The following IQSEC1 variants were observed in gnomAD, a reference collection of about 807,000 sequenced individuals.
IQSEC1 encodes the protein IQ motif and Sec7 domain ArfGEF 1, also known as IQ motif and SEC7 domain-containing protein 1.
A neutral mutation model predicts 91.0 loss-of-function variants in IQSEC1; 31 were observed. That is an observed-to-expected ratio of 0.34 (90% CI 0.26 to 0.46). The LOEUF is 0.46. Among genes scored for constraint, IQSEC1 ranks in the 20% least tolerant of loss-of-function variants. IQSEC1 has a pLI of 1.00. For missense variants in IQSEC1, 1,388 were observed against 1,575.6 expected (o/e 0.88, Z 2.02); for synonymous variants, 699 against 662.6 (o/e 1.05, Z -0.84).
chr3:12,904,035 G>A (rs1227228208), intron 12 of IQSEC1, among the ~76,000 whole-genome samples: 2 of 152,222 alleles, frequency 1.3e-5, no homozygotes, highest in African/African-American at 2.4e-5. Context: ...CTGGAAGAAG[G>A]AAGCAACTGC....
At position 13,236,009 on chromosome 3, in the gene IQSEC1, C is replaced by T. The variant is rs752604087; in HGVS notation, c.272+46702G>A. Among the ~76,000 whole-genome samples, 3 of 152,288 alleles carry T rather than the reference C, an allele frequency of 2.0e-5. No homozygotes were observed. In the South Asian group the frequency reaches 6.2e-4, roughly 32 times the overall value. On this transcript the variant is annotated intron_variant, in intron 1 of 15. Coordinates refer to the IQSEC1 transcript ENST00000648114. ...GAACGCAGCTTCCTTAAGAGTTTGT[C>T]TCCTGAAAATGAAGTGAATGGATCT... is the stretch of plus-strand genomic sequence containing the variant.
At chr3:13,210,576 T>C (rs901938962) in intron 1 of IQSEC1, among the ~76,000 whole-genome samples, 1 of 152,202 alleles carries the variant, frequency 6.6e-6, no homozygotes, top group African/African-American at 2.4e-5. Context: ...CTCCAGCAAC[T>C]ACTCTAGATT....
chr3:12,990,645 C>T (rs1315444888), intron 1 of IQSEC1, among the ~76,000 whole-genome samples: 1 of 152,178 alleles, frequency 6.6e-6, no homozygotes, highest in African/African-American at 2.4e-5. Flanking sequence ...GAGTCTGAAG[C>T]CCTTCCCAGA....
rs551566408 is a variant in IQSEC1 at position 13,240,816 on chromosome 3, A to G, written c.272+41895T>C. Among the ~76,000 whole-genome samples, 10 of 152,284 alleles carry G rather than the reference A, an allele frequency of 6.6e-5. No individual in the cohort carries two copies. In the South Asian group the frequency reaches 1.2e-3, roughly 19 times the overall value. On this transcript the variant is annotated intron_variant, in intron 1 of 15. Transcript: ENST00000648114. ...GGCAGAGTTGCGGCAGGCAGAGGAG[A>G]TGATAAATCCGACACACTTTGGATA...
intron 1 of IQSEC1, among the ~76,000 whole-genome samples, chr3:13,064,994 T>A (rs78674571): frequency 0.16 from 23,818 of 152,238 alleles, 2,110 homozygotes; most frequent in Middle Eastern, 0.31. Context: ...CCTGGAGATG[T>A]GTGGGGGTGT....
intron 2 of IQSEC1, among the ~76,000 whole-genome samples, chr3:13,156,780 C>G (rs1177481159): frequency 6.6e-6 from 1 of 152,274 alleles, no homozygotes; most frequent in Non-Finnish European, 1.5e-5. Flanking sequence ...GAGCTGACAT[C>G]TGAAGGGGGA....
At chr3:13,133,628 G>A (rs975721010) in intron 2 of IQSEC1, among the ~76,000 whole-genome samples, 1 of 152,252 alleles carries the variant, frequency 6.6e-6, no homozygotes, top group African/African-American at 2.4e-5. Flanking sequence ...CCTTTGAAGA[G>A]CGGTTGCACC....
chr3:12,900,998 G>T lies in IQSEC1; in HGVS notation c.3330C>A (p.Ile1110=). 6.5e-7 allele frequency: 1 copy of T among 1,544,892 alleles called. No homozygotes were observed. ...PTSSKAKPSG[I]STIV ...CCCAGGCTGTCTACACAATTGTGCT[G>T]ATGCCGCTGGGTTTGGCCTTGCTGC... The change falls in exon 14 of 14, where the codon ATC becomes ATA. Residue 1110 remains isoleucine, a synonymous_variant. Transcript: ENST00000613206.
chr3:12,990,624 T>G (rs1701942552), intron 1 of IQSEC1, among the ~76,000 whole-genome samples: 1 of 152,190 alleles, frequency 6.6e-6, no homozygotes, highest in Non-Finnish European at 1.5e-5. Flanking sequence ...CAGTCTGGAC[T>G]CCGCGCACTT....
chr3:13,195,383 G>A (rs1694107661), intron 1 of IQSEC1, among the ~76,000 whole-genome samples: 1 of 152,190 alleles, frequency 6.6e-6, no homozygotes, highest in South Asian at 2.1e-4. Context: ...AGGCACTGCT[G>A]GTGGGAAGAT....
intron 1 of IQSEC1, among the ~76,000 whole-genome samples, chr3:13,247,110 G>A (rs537119196): frequency 1.3e-5 from 2 of 152,312 alleles, no homozygotes; most frequent in South Asian, 4.1e-4. Flanking sequence ...GATGGAAGCT[G>A]GTCTGATACC....
At chr3:12,938,788 C>G (rs1340315117) in intron 2 of IQSEC1, among the ~76,000 whole-genome samples, 1 of 152,164 alleles carries the variant, frequency 6.6e-6, no homozygotes, top group Non-Finnish European at 1.5e-5. Flanking sequence ...GCAGACCACG[C>G]AGCCACCCTG....
chr3:12,947,145 CCAT>C (rs977484139), intron 1 of IQSEC1, among the ~76,000 whole-genome samples: 8 of 152,352 alleles, frequency 5.3e-5, no homozygotes, highest in African/African-American at 1.4e-4. Flanking sequence ...GATGTGATCC[CCAT>C]CATCAAGCCT....
chr3:13,142,212 A>C (rs1175921655), intron 2 of IQSEC1, among the ~76,000 whole-genome samples: 3 of 152,260 alleles, frequency 2.0e-5, no homozygotes, highest in Non-Finnish European at 2.9e-5. Flanking sequence ...GTCAGAGCGC[A>C]GCGGGCTGCG....
At chr3:13,157,089 C>G (rs1707097761) in intron 2 of IQSEC1, among the ~76,000 whole-genome samples, 2 of 152,182 alleles carry the variant, frequency 1.3e-5, no homozygotes, top group Admixed American at 1.3e-4. Flanking sequence ...CTCACTGTCC[C>G]AAACACTGGA....
chr3:13,199,421 C>T (rs2125046236), intron 1 of IQSEC1, among the ~76,000 whole-genome samples: 1 of 152,346 alleles, frequency 6.6e-6, no homozygotes, highest in African/African-American at 2.4e-5. Context: ...CGTCCAGGGA[C>T]ATCTGTGCAG....
intron 1 of IQSEC1, among the ~76,000 whole-genome samples, chr3:12,960,901 C>T (rs2596897): frequency 0.24 from 37,153 of 152,230 alleles, 5,511 homozygotes; most frequent in Admixed American, 0.32. Context: ...CCTCTCCCTC[C>T]ATTGTTCCCA....
intron 1 of IQSEC1, among the ~76,000 whole-genome samples, chr3:12,997,432 A>G (rs1702266697): frequency 6.6e-6 from 1 of 152,230 alleles, no homozygotes; most frequent in Non-Finnish European, 1.5e-5. Context: ...TTATCTGGGC[A>G]CAAGCTGATG....
intron 2 of IQSEC1, among the ~76,000 whole-genome samples, chr3:13,162,611 G>A (rs979751149): frequency 6.6e-6 from 1 of 152,174 alleles, no homozygotes; most frequent in South Asian, 2.1e-4. Flanking sequence ...TTTCCTTCCT[G>A]CTTCTTTTTG....
Sources: allele counts gnomAD v4.1 joint callset (sites outside exome capture counted in the v4.1 genomes callset), GRCh38; gene constraint gnomAD v4.1.1; transcripts MANE v1.5; gene names NCBI Gene and HGNC (gene_info 2026-07-23, HGNC 2026-07-21).